The following NUCKS1 variants were observed in gnomAD, a reference collection of about 807,000 sequenced individuals.
NUCKS1 encodes the protein nuclear casein kinase and cyclin dependent kinase substrate 1, also known as nuclear ubiquitous casein and cyclin-dependent kinase substrate 1.
NUCKS1 carries 2 observed loss-of-function variants against 33.0 expected under a neutral mutation model. The observed-to-expected ratio is 0.06, with a 90% CI of 0.02 to 0.19. The LOEUF (loss-of-function observed/expected upper bound fraction) is 0.19, where lower values mean the gene tolerates loss of function less well. NUCKS1 is among the 10% of genes least tolerant of loss of function. The pLI is 1.00. For missense variants in NUCKS1, 201 were observed against 293.6 expected, an observed-to-expected ratio of 0.68 and a Z score of 2.31; for synonymous variants, 106 against 102.8, an observed-to-expected ratio of 1.03 and a Z score of -0.19.
intron 1 of NUCKS1, among the ~76,000 whole-genome samples, 161 bp downstream of exon 1, chr1:205,749,796 C>CAGCA (rs1654441095): frequency 6.6e-6 from 1 of 151,170 alleles, no homozygotes; most frequent in Admixed American, 6.6e-5. Flanking sequence ...CCCCGCGCGC[C>CAGCA]AGCAGGGCCC....
chr1:205,724,994 A>AT (rs1162627029), intron 3 of NUCKS1, among the ~76,000 whole-genome samples: 1 of 152,222 alleles, frequency 6.6e-6, no homozygotes, highest in Non-Finnish European at 1.5e-5. Flanking sequence ...TTATGTCTTC[A>AT]TAAGTCTTAA....
In NUCKS1 at chr1:205,750,018, A is replaced by ACCCCCCCCCCCCCCCCCCCCCCCC; in HGVS notation, c.-46_-45insGGGGGGGGGGGGGGGGGGGGGGGG. The ACCCCCCCCCCCCCCCCCCCCCCCC allele has an allele frequency of 1.0e-6, 1 of 964,084 alleles. No homozygotes were observed. The highest frequency in any genetic ancestry group is 1.5e-6 in the Non-Finnish European group (1 of 684,578). The allele number at this position is 964,084 out of a possible 1,614,324, so 59.7% of individuals were successfully genotyped here. ...CCGAGTCGAGAAGCCAAAGACCAGG[A>ACCCCCCCCCCCCCCCCCCCCCCCC]CCCCCCCCACCCCGCGCGCTCGGCG... On this transcript the variant is annotated 5_prime_UTR_variant, in exon 1 of 7. Coordinates refer to ENST00000367142, the MANE Select transcript of NUCKS1 (RefSeq NM_022731.5).
intron 1 of NUCKS1, among the ~76,000 whole-genome samples, chr1:205,731,711 G>A (rs997137344): frequency 2.0e-5 from 3 of 152,066 alleles, no homozygotes; most frequent in Non-Finnish European, 4.4e-5. Flanking sequence ...CCAACGTGGT[G>A]AAACCCCGTC....
At chr1:205,745,212 G>A (rs1370242122) in intron 1 of NUCKS1, among the ~76,000 whole-genome samples, 1 of 152,082 alleles carries the variant, frequency 6.6e-6, no homozygotes, top group Non-Finnish European at 1.5e-5. Flanking sequence ...TAACTCCTTG[G>A]GTTCAAAGTC....
In NUCKS1 at chr1:205,724,012, A is replaced by G. The variant is rs200408297; in HGVS notation, c.174-31T>C. The G allele has an allele frequency of 1.7e-4, 259 of 1,540,450 alleles. 1 individual carries two copies. The East Asian group carries it at 5.1e-3, about 30-fold the overall frequency. On this transcript the variant is annotated intron_variant, in intron 3 of 6. Coordinates refer to ENST00000367142, the MANE Select transcript of NUCKS1 (RefSeq NM_022731.5). ...AAGGGAGGCAAAAAAGCAAATGCATAAAAGTCTTAGCTCAAAATCTAAGTG... is the reference window on the plus strand; with the variant it reads ...AAGGGAGGCAAAAAAGCAAATGCATGAAAGTCTTAGCTCAAAATCTAAGTG...
chr1:205,728,328 GCACA>G (rs138020930), intron 2 of NUCKS1, among the ~76,000 whole-genome samples: 2 of 149,102 alleles, frequency 1.3e-5, no homozygotes. Context: ...ACACACACAT[GCACA>G]CACACACACA....
chr1:205,741,171 G>A (rs1654161674), intron 1 of NUCKS1, among the ~76,000 whole-genome samples: 2 of 146,794 alleles, frequency 1.4e-5, no homozygotes, highest in Non-Finnish European at 3.0e-5. Context: ...GTGGTGGCGG[G>A]CGCCTGTAGT....
At position 205,727,795 on chromosome 1, in the gene NUCKS1, A is replaced by G. The variant is rs965328942; in HGVS notation, c.78T>C (p.Tyr26=). 1.9e-6 allele frequency: 3 copies of G among 1,608,520 alleles called. No homozygotes were observed. Among genetic ancestry groups the G allele is most frequent in the Non-Finnish European group, 2.6e-6 (3 of 1,175,720 alleles). ...FQESDDADED[Y]GRDSGPPTKK... is the part of the protein sequence containing the mutation. ...TAGTGGGAGGGCCCGAATCTCTTCC[A>G]TAATCTTCATCTAAACAGTGTTTTT... The change falls in exon 3 of 7, where the codon TAT becomes TAC. Residue 26 remains tyrosine, a synonymous_variant. Coordinates refer to ENST00000367142, the MANE Select transcript of NUCKS1 (RefSeq NM_022731.5).
At chr1:205,726,567 C>T (rs1772145) in intron 3 of NUCKS1, among the ~76,000 whole-genome samples, 111,734 of 152,122 alleles carry the variant, frequency 0.73, 42,354 homozygotes, top group Non-Finnish European at 0.83. Flanking sequence ...TTAGAAGAAG[C>T]AGTGAGAAAT....
intron 3 of NUCKS1, among the ~76,000 whole-genome samples, chr1:205,725,246 T>A (rs745420628): frequency 6.6e-6 from 1 of 152,196 alleles, no homozygotes; most frequent in Non-Finnish European, 1.5e-5. Context: ...TATTCTTCAA[T>A]GCTACAATTT....
Position 205,731,768 on chromosome 1 carries a change from T to C in NUCKS1, c.18-2147A>G, listed in dbSNP as rs568688224. On this transcript the variant is annotated intron_variant, in intron 1 of 6. Transcript: ENST00000367142. ...TTAGCTGGGTGTGGTGGCGGGCGCC[T>C]GTAGTCCCAGCTACTCGGGAGGCTG... is the stretch of plus-strand genomic sequence containing the variant. 1.8e-3 allele frequency among the ~76,000 whole-genome samples: 279 copies of C among 152,084 alleles called. 4 individuals are homozygous for C. The highest frequency in any genetic ancestry group is 0.017 in the Admixed American group (263 of 15,260).
At chr1:205,734,453 A>C (rs1255678783) in intron 1 of NUCKS1, among the ~76,000 whole-genome samples, 1 of 152,240 alleles carries the variant, frequency 6.6e-6, no homozygotes, top group African/African-American at 2.4e-5. Context: ...CAAAATATGA[A>C]TATAGAAGCA....
chr1:205,727,617 T>G (rs1426236967), intron 3 of NUCKS1, 83 bp downstream of exon 3: 4 of 919,544 alleles, frequency 4.3e-6, no homozygotes, highest in African/African-American at 3.3e-5. Flanking sequence ...GTATATGAGA[T>G]TCCAACAATT....
At chr1:205,739,710 C>T (rs1654118296) in intron 1 of NUCKS1, among the ~76,000 whole-genome samples, 2 of 152,158 alleles carry the variant, frequency 1.3e-5, no homozygotes, top group Admixed American at 1.3e-4. Context: ...CTGCCTCAGC[C>T]TCTTAAGTAG....
intron 4 of NUCKS1, among the ~76,000 whole-genome samples, chr1:205,721,127 T>TG (rs201970314): frequency 0.059 from 4,962 of 83,814 alleles, 105 homozygotes; most frequent in Admixed American, 0.12. Flanking sequence ...GGGGGCAGGG[T>TG]GGGGGGATGG....
intron 1 of NUCKS1, among the ~76,000 whole-genome samples, chr1:205,738,034 T>C (rs904313145): frequency 2.6e-5 from 4 of 152,254 alleles, no homozygotes; most frequent in Non-Finnish European, 5.9e-5. Context: ...TTATCTTTTA[T>C]TTATTTTTTG....
rs1346288467 is a variant in NUCKS1 at position 205,716,648 on chromosome 1, A to G, written c.*1632T>C. The G allele has an allele frequency of 2.0e-5, 3 of 152,206 alleles. No homozygotes were observed. The highest frequency in any genetic ancestry group is 7.2e-5 in the African/African-American group (3 of 41,460). 9.4% of individuals were successfully genotyped at this position (152,206 alleles called of 1,614,324 possible). ...AGTAAGCATGTTCCTAGTAAACCAC[A>G]AAGTAGGATATTGAGGAAGCAAATC... On this transcript the variant is annotated 3_prime_UTR_variant, in exon 7 of 7. Transcript: ENST00000367142.
At position 205,749,993 on chromosome 1, in the gene NUCKS1, CCGAGT is replaced by C. The variant is rs1654462500; in HGVS notation, c.-25_-21del. On this transcript the variant is annotated 5_prime_UTR_variant, in exon 1 of 7. Coordinates refer to ENST00000367142, the MANE Select transcript of NUCKS1 (RefSeq NM_022731.5). ...CGACATGTTCGCTGTCGAAACAGGA[CCGAGT>C]CGAGAAGCCAAAGACCAGGACCCCC... 6.3e-7 allele frequency: 1 copy of C among 1,599,318 alleles called. No individual in the cohort carries two copies. The highest frequency in any genetic ancestry group is 1.7e-5 in the Admixed American group (1 of 59,354).
At chr1:205,729,543 T>C (rs754126934) in intron 2 of NUCKS1, 29 bp downstream of exon 2, 12 of 1,569,966 alleles carry the variant, frequency 7.6e-6, no homozygotes, top group Non-Finnish European at 1.1e-5. Context: ...TCAGTCCAAC[T>C]TAAAATTTGT....
Sources: allele counts gnomAD v4.1 joint callset (sites outside exome capture counted in the v4.1 genomes callset), GRCh38; gene constraint gnomAD v4.1.1; transcripts MANE v1.5; gene names NCBI Gene and HGNC (gene_info 2026-07-23, HGNC 2026-07-21).